The following CCDC12 variants were observed in gnomAD, a reference collection of about 807,000 sequenced individuals.
CCDC12 encodes the protein coiled-coil domain-containing protein 12.
Under a neutral mutation model 25.7 loss-of-function variants are expected in CCDC12, and 28 were observed. The observed-to-expected ratio is 1.09, with a 90% CI of 0.81 to 1.50. The LOEUF (loss-of-function observed/expected upper bound fraction) is 1.50, where lower values mean the gene tolerates loss of function less well. Ranked by LOEUF, CCDC12 falls within the 40% of genes most tolerant of loss-of-function variation. The pLI, the probability that CCDC12 is intolerant of heterozygous loss-of-function variation, is 0.00. For synonymous variants in CCDC12, 75 were observed against 87.7 expected (o/e 0.86, Z 0.81); for missense variants, 198 against 210.0 (o/e 0.94, Z 0.35).
chr3:46,977,404 C>T (rs1422651874), upstream of CCDC12, among the ~76,000 whole-genome samples: 7 of 146,756 alleles, frequency 4.8e-5, no homozygotes, highest in Admixed American at 2.1e-4. Flanking sequence ...ACCAGAGAGG[C>T]GGAGGTTGCA....
intron 2 of CCDC12, among the ~76,000 whole-genome samples, chr3:46,930,934 C>G (rs1337038341): frequency 2.6e-5 from 4 of 152,228 alleles, no homozygotes; most frequent in Admixed American, 2.0e-4. Context: ...ACAGCCTGCC[C>G]TAAATGCACC....
chr3:46,933,838 G>A (rs1291496968), intron 2 of CCDC12, among the ~76,000 whole-genome samples: 1 of 152,108 alleles, frequency 6.6e-6, no homozygotes, highest in African/African-American at 2.4e-5. Context: ...TTACAAAACA[G>A]CATGATATGC....
chr3:46,937,073 C>T (rs1008500069), intron 2 of CCDC12, among the ~76,000 whole-genome samples: 1 of 152,228 alleles, frequency 6.6e-6, no homozygotes, highest in African/African-American at 2.4e-5. Context: ...CTTTCCCATC[C>T]AGGTTGGGCC....
intron 2 of CCDC12, among the ~76,000 whole-genome samples, chr3:46,927,213 C>T (rs1479241637): frequency 5.9e-5 from 9 of 152,186 alleles, no homozygotes; most frequent in African/African-American, 1.7e-4. Context: ...TACCCCACCC[C>T]GTCCCCCATC....
At chr3:46,973,085 T>C (rs993967955) in intron 1 of CCDC12, among the ~76,000 whole-genome samples, 8 of 149,840 alleles carry the variant, frequency 5.3e-5, no homozygotes, top group Admixed American at 5.3e-4. Flanking sequence ...CCCAGTGTGG[T>C]GGCTCACGCC....
intron 1 of CCDC12, among the ~76,000 whole-genome samples, chr3:46,951,711 C>T (rs1288756831): frequency 2.9e-5 from 4 of 139,950 alleles, no homozygotes. Context: ...ACTAGGGAGG[C>T]GGAGCTTGCA....
rs766870585 is a variant in CCDC12 at position 46,941,015 on chromosome 3, TTCC to T, written c.144_146del (p.Glu50del). 2 of 1,614,092 alleles carry T rather than the reference TTCC, an allele frequency of 1.2e-6. No homozygotes were observed. Among genetic ancestry groups the T allele is most frequent in the African/African-American group, 1.3e-5 (1 of 74,934 alleles). On this transcript the variant is annotated inframe_deletion, in exon 2 of 7. Coordinates refer to ENST00000683445, the MANE Select transcript of CCDC12 (RefSeq NM_001277074.2). ...GGCATTACCTGTGCTTCTCGCCTTC[TTCC>T]TCCTCTTCTCTGAGATGCTTGGTCT...
At chr3:46,971,791 A>T (rs1282025329) in intron 1 of CCDC12, among the ~76,000 whole-genome samples, 1 of 152,212 alleles carries the variant, frequency 6.6e-6, no homozygotes, top group Non-Finnish European at 1.5e-5. Flanking sequence ...GCAAGATGCC[A>T]TCCTCATGGG....
chr3:46,926,317 A>G (rs2032956306), intron 2 of CCDC12, among the ~76,000 whole-genome samples: 1 of 152,198 alleles, frequency 6.6e-6, no homozygotes, highest in Admixed American at 6.5e-5. Flanking sequence ...GAGAGTGGCC[A>G]GTGAGGGCTG....
At chr3:46,943,434 G>A (rs2033791353) in intron 1 of CCDC12, among the ~76,000 whole-genome samples, 2 of 152,234 alleles carry the variant, frequency 1.3e-5, no homozygotes, top group Admixed American at 1.3e-4. Context: ...GGCAGAGAAG[G>A]AAAAGCAGAA....
intron 2 of CCDC12, among the ~76,000 whole-genome samples, chr3:46,929,033 T>G (rs2033097222): frequency 6.6e-6 from 1 of 152,150 alleles, no homozygotes; most frequent in Non-Finnish European, 1.5e-5. Flanking sequence ...GAATATTGAC[T>G]GTATAAAAGA....
intron 2 of CCDC12, among the ~76,000 whole-genome samples, chr3:46,940,330 A>G (rs1352910734): frequency 6.6e-6 from 1 of 152,206 alleles, no homozygotes; most frequent in Admixed American, 6.5e-5. Flanking sequence ...AAGTGTACCC[A>G]AGACCCTCAC....
At chr3:46,936,723 A>T (rs2107127508) in intron 2 of CCDC12, among the ~76,000 whole-genome samples, 1 of 152,292 alleles carries the variant, frequency 6.6e-6, no homozygotes, top group Non-Finnish European at 1.5e-5. Flanking sequence ...AAATTAAAGC[A>T]GAAAAAAAAA....
chr3:46,967,397 C>G (rs2034673164), intron 1 of CCDC12, among the ~76,000 whole-genome samples: 1 of 152,070 alleles, frequency 6.6e-6, no homozygotes, highest in South Asian at 2.1e-4. Context: ...GCCTCCCAGG[C>G]CCTCTCCACC....
At chr3:46,973,295 G>T (rs1257778734) in intron 1 of CCDC12, among the ~76,000 whole-genome samples, 2 of 150,706 alleles carry the variant, frequency 1.3e-5, no homozygotes, top group Admixed American at 6.6e-5. Context: ...GGAAGTTGCA[G>T]TGAGCTGAGA....
chr3:46,921,739 C>A lies in CCDC12; in HGVS notation c.*318G>T. 2 of 348,456 alleles carry A rather than the reference C, an allele frequency of 5.7e-6. No individual in the cohort carries two copies. The highest frequency in any genetic ancestry group is 3.6e-5 in the South Asian group (1 of 27,966). The allele number at this position is 348,456 out of a possible 1,614,324, so 21.6% of individuals were successfully genotyped here. On this transcript the variant is annotated 3_prime_UTR_variant, in exon 7 of 7. Coordinates refer to ENST00000683445, the MANE Select transcript of CCDC12 (RefSeq NM_001277074.2). ...ATATCTGACACATTTCTGCCACACA[C>A]AGGGGTTTACTTGTTTCTATTTCCA... is the stretch of plus-strand genomic sequence containing the variant.
rs1430010664 is a variant in CCDC12 at position 46,976,744 on chromosome 3, A to G, written c.-12T>C. The G allele has an allele frequency of 6.3e-7, 1 of 1,599,630 alleles. No individual in the cohort carries two copies. Among genetic ancestry groups the G allele is most frequent in the Admixed American group, 1.7e-5 (1 of 58,034 alleles). ...GTAGTTGCCTCCATCTTGCCCGCGT[A>G]CGCCCCTCCTTTTCTCCCGTCTTGC... is the stretch of plus-strand genomic sequence containing the variant. On this transcript the variant is annotated 5_prime_UTR_variant, in exon 1 of 7. Coordinates refer to ENST00000683445, the MANE Select transcript of CCDC12 (RefSeq NM_001277074.2).
chr3:46,975,729 C>A (rs538895373), intron 1 of CCDC12, among the ~76,000 whole-genome samples: 30 of 151,612 alleles, frequency 2.0e-4, no homozygotes, highest in Non-Finnish European at 4.1e-4. Flanking sequence ...GACAGAGTTT[C>A]ACCGTGTTAG....
intron 2 of CCDC12, among the ~76,000 whole-genome samples, chr3:46,927,001 A>G (rs932279698): frequency 2.0e-5 from 3 of 152,202 alleles, no homozygotes; most frequent in African/African-American, 7.2e-5. Context: ...CTTTGGACTC[A>G]GGGGCTTTCA....
Sources: allele counts gnomAD v4.1 joint callset (sites outside exome capture counted in the v4.1 genomes callset), GRCh38; gene constraint gnomAD v4.1.1; transcripts MANE v1.5; gene names NCBI Gene and HGNC (gene_info 2026-07-23, HGNC 2026-07-21).